The following COG5 variants were observed in gnomAD, a reference collection of about 807,000 sequenced individuals.
COG5 encodes conserved oligomeric Golgi complex subunit 5.
Under a neutral mutation model 110.4 loss-of-function variants are expected in COG5, and 86 were observed. The observed-to-expected ratio is 0.78, with a 90% CI of 0.65 to 0.93. The LOEUF is 0.93. Ranked by LOEUF, COG5 falls within the 40% of genes least tolerant of loss-of-function variation. COG5 has a pLI of 0.00. For synonymous variants in COG5, 360 were observed against 334.6 expected, an observed-to-expected ratio of 1.08 and a Z score of -0.83; for missense variants, 1,077 against 987.0, an observed-to-expected ratio of 1.09 and a Z score of -1.22.
intron 1 of COG5, among the ~76,000 whole-genome samples, chr7:107,558,714 G>A (rs1332751047): frequency 2.7e-5 from 4 of 150,772 alleles, no homozygotes; most frequent in East Asian, 1.9e-4. Flanking sequence ...GTGAAACCCC[G>A]TCTCTACTAA....
intron 11 of COG5, among the ~76,000 whole-genome samples, chr7:107,305,414 G>A (rs956317202): frequency 6.6e-6 from 1 of 152,138 alleles, no homozygotes; most frequent in African/African-American, 2.4e-5. Flanking sequence ...AGCAAAGGAA[G>A]CCAGTAATCT....
chr7:107,204,890 C>G (rs1336417389), intron 21 of COG5, among the ~76,000 whole-genome samples: 13 of 152,342 alleles, frequency 8.5e-5, no homozygotes, highest in South Asian at 4.1e-4. Flanking sequence ...AAAATTGGGG[C>G]AGCGTTCTGC....
chr7:107,326,656 A>C (rs912017286), intron 10 of COG5, among the ~76,000 whole-genome samples: 1 of 152,232 alleles, frequency 6.6e-6, no homozygotes, highest in African/African-American at 2.4e-5. Context: ...AGAAGACACA[A>C]GTAAATGGAA....
intron 6 of COG5, among the ~76,000 whole-genome samples, chr7:107,521,881 G>A (rs1337420612): frequency 7.9e-5 from 12 of 152,196 alleles, no homozygotes; most frequent in South Asian, 6.2e-4. Context: ...TGAAACCAAC[G>A]CAAATGTCCA....
At chr7:107,372,465 C>T in intron 8 of COG5, 130 bp downstream of exon 8, 1 of 857,554 alleles carries the variant, frequency 1.2e-6, no homozygotes, top group Non-Finnish European at 1.8e-6. Context: ...AACATAATTT[C>T]TTCTCTCATT....
At chr7:107,563,312 C>T (rs1021541070) in intron 1 of COG5, among the ~76,000 whole-genome samples, 1 of 151,986 alleles carries the variant, frequency 6.6e-6, no homozygotes, top group African/African-American at 2.4e-5. Context: ...AAAAAAAAAC[C>T]AGCCTGTAAG....
chr7:107,327,438 C>G (rs1194309266), intron 10 of COG5, among the ~76,000 whole-genome samples: 1 of 152,024 alleles, frequency 6.6e-6, no homozygotes, highest in Non-Finnish European at 1.5e-5. Context: ...CAGAAATAGA[C>G]AAACTGGACT....
chr7:107,201,673 A>G lies in COG5; in HGVS notation c.*1843T>C, dbSNP rs2116050044. On this transcript the variant is annotated 3_prime_UTR_variant, in exon 22 of 22. Transcript: ENST00000297135. ...CTTATTTTTCTTCCAAACTTCATAT[A>G]TGTCTATCAGGTAATAATAGGCTTG... 5.0e-6 allele frequency: 2 copies of G among 397,056 alleles called. No individual in the cohort carries two copies. Among genetic ancestry groups the G allele is most frequent in the Non-Finnish European group, 9.0e-6 (2 of 221,216 alleles). 24.6% of individuals were successfully genotyped at this position (397,056 alleles called of 1,614,324 possible).
intron 2 of COG5, among the ~76,000 whole-genome samples, chr7:107,557,697 G>A (rs1463951232): frequency 2.6e-5 from 4 of 151,650 alleles, no homozygotes; most frequent in African/African-American, 9.7e-5. Context: ...TATCTTTATC[G>A]AACACATCCT....
At chr7:107,562,144 C>T (rs2129182195) in intron 1 of COG5, among the ~76,000 whole-genome samples, 1 of 152,168 alleles carries the variant, frequency 6.6e-6, no homozygotes, top group South Asian at 2.1e-4. Context: ...CTCTTTTTCT[C>T]CCCAGGGAAG....
intron 5 of COG5, among the ~76,000 whole-genome samples, chr7:107,535,726 G>A (rs1197519165): frequency 2.0e-5 from 3 of 152,118 alleles, no homozygotes; most frequent in Non-Finnish European, 2.9e-5. Context: ...TCTACTAGAG[G>A]TGTTGCAAAG....
chr7:107,226,375 A>G (rs575090045), intron 19 of COG5, among the ~76,000 whole-genome samples: 1 of 152,306 alleles, frequency 6.6e-6, no homozygotes, highest in South Asian at 2.1e-4. Flanking sequence ...TATTAATAAG[A>G]GTAAGCTTTT....
chr7:107,374,011 C>G (rs1814421458), intron 7 of COG5, among the ~76,000 whole-genome samples: 1 of 152,024 alleles, frequency 6.6e-6, no homozygotes, highest in African/African-American at 2.4e-5. Context: ...AATAACAATA[C>G]TCATTTGAGT....
rs60313728 is a variant in COG5, at chr7:107,288,907, G to GATATATAT, written c.1314-5183_1314-5176dup. On this transcript the variant is annotated intron_variant, in intron 12 of 21. Coordinates refer to ENST00000297135, the MANE Select transcript of COG5 (RefSeq NM_006348.5). ...ATTTGCCCCTATGTTTTCTAACAGA[G>GATATATAT]ATATATATATATATATATATATATA... Among the ~76,000 whole-genome samples, 71 of 94,112 alleles carry GATATATAT rather than the reference G, an allele frequency of 7.5e-4. 1 individual carries two copies. Among genetic ancestry groups the GATATATAT allele is most frequent in the Non-Finnish European group, 1.2e-3 (56 of 46,588 alleles). The allele number at this position is 94,112 out of a possible 152,430, so 61.7% of individuals were successfully genotyped here. A position where few individuals can be genotyped will look rare whatever the true frequency, so the allele number is the denominator to read the frequency against.
intron 17 of COG5, among the ~76,000 whole-genome samples, chr7:107,242,522 C>G (rs1173516551): frequency 6.6e-6 from 1 of 152,236 alleles, no homozygotes; most frequent in Non-Finnish European, 1.5e-5. Context: ...AGCAACTCAG[C>G]AACTCCAAGA....
chr7:107,308,912 T>C (rs1317406780), intron 11 of COG5, among the ~76,000 whole-genome samples: 1 of 142,960 alleles, frequency 7.0e-6, no homozygotes. Flanking sequence ...GTCTCTGATA[T>C]CTCCTTGGCT....
rs185886092 is a variant in COG5, at chr7:107,356,619, T to A, written c.1026+5414A>T. Among the ~76,000 whole-genome samples, 255 of 152,076 alleles carry A rather than the reference T, an allele frequency of 1.7e-3. 5 individuals carry two copies. The highest frequency in any genetic ancestry group is 0.015 in the Admixed American group (226 of 15,262). Reference sequence around the variant, plus strand: ...CTTTTGAATAAAAAAAAGAAAAAAATTTCAGTACATTTTTTTTAAGTCTGT... The same window carrying A: ...CTTTTGAATAAAAAAAAGAAAAAAAATTCAGTACATTTTTTTTAAGTCTGT... On this transcript the variant is annotated intron_variant, in intron 10 of 21. Transcript: ENST00000297135.
chr7:107,433,932 A>C lies in COG5; in HGVS notation c.539-21300T>G, dbSNP rs551607228. On this transcript the variant is annotated intron_variant, in intron 6 of 21. Coordinates refer to ENST00000297135, the MANE Select transcript of COG5 (RefSeq NM_006348.5). ...ATAATATTTCTAATAAAGGGTTAGAATATATAAAGAAATCCTACAATTAAG... is the reference window on the plus strand; with the variant it reads ...ATAATATTTCTAATAAAGGGTTAGACTATATAAAGAAATCCTACAATTAAG... Among the ~76,000 whole-genome samples, 188 of 152,350 alleles carry C rather than the reference A, an allele frequency of 1.2e-3. 2 individuals are homozygous for C. Among genetic ancestry groups the C allele is most frequent in the African/African-American group, 4.3e-3 (179 of 41,582 alleles).
At chr7:107,554,195 C>G in intron 3 of COG5, 90 bp downstream of exon 3, 1 of 1,123,070 alleles carries the variant, frequency 8.9e-7, no homozygotes, top group South Asian at 1.3e-5. Flanking sequence ...CTGGCAAAGT[C>G]TAAAATACTT....
Sources: allele counts gnomAD v4.1 joint callset (sites outside exome capture counted in the v4.1 genomes callset), GRCh38; gene constraint gnomAD v4.1.1; transcripts MANE v1.5; gene names NCBI Gene and HGNC (gene_info 2026-07-23, HGNC 2026-07-21).